NEK10: variants seen among roughly 807,000 people sequenced by gnomAD.
NEK10 encodes the protein serine/threonine-protein kinase Nek10.
NEK10 carries 122 observed loss-of-function variants against 159.8 expected under a neutral mutation model. The ratio of observed to expected loss-of-function variants is 0.76; its 90% CI spans 0.66 to 0.89. The LOEUF (loss-of-function observed/expected upper bound fraction) is 0.89. Among genes scored for constraint, NEK10 ranks in the 40% least tolerant of loss-of-function variants. The probability of loss-of-function intolerance (pLI) is 0.00; values close to 1 mark genes in which losing one functional copy is unlikely to be tolerated. For synonymous variants in NEK10, 466 were observed against 457.1 expected (o/e 1.02, Z -0.25); for missense variants, 1,342 against 1,323.1 (o/e 1.01, Z -0.22).
At chr3:27,208,655 G>A (rs564043909) in intron 23 of NEK10, among the ~76,000 whole-genome samples, 1 of 152,152 alleles carries the variant, frequency 6.6e-6, no homozygotes, top group Non-Finnish European at 1.5e-5. Context: ...ATTTGGTTCT[G>A]GTGACTAAAT....
intron 13 of NEK10, among the ~76,000 whole-genome samples, chr3:27,298,724 C>T (rs948198377): frequency 3.3e-5 from 5 of 152,052 alleles, no homozygotes; most frequent in African/African-American, 4.8e-5. Context: ...AAATCCAGGC[C>T]GAGGTGGTCT....
At chr3:27,327,153 C>G (rs535322458) in intron 5 of NEK10, among the ~76,000 whole-genome samples, 1 of 152,252 alleles carries the variant, frequency 6.6e-6, no homozygotes, top group East Asian at 1.9e-4. Flanking sequence ...ACTCCCATTC[C>G]AGTGCTCTTG....
intron 35 of NEK10, among the ~76,000 whole-genome samples, chr3:27,112,277 T>C (rs943967519): frequency 6.6e-6 from 1 of 152,198 alleles, no homozygotes; most frequent in Non-Finnish European, 1.5e-5. Context: ...TCTATTCTCT[T>C]CCTTAACTAA....
chr3:27,219,978 C>CA, intron 23 of NEK10, among the ~76,000 whole-genome samples: 1 of 152,024 alleles, frequency 6.6e-6, no homozygotes, highest in East Asian at 1.9e-4. Flanking sequence ...ACAATAGCTT[C>CA]AAAAAAACCC....
intron 3 of NEK10, among the ~76,000 whole-genome samples, chr3:27,350,848 T>C (rs2047919086): frequency 6.6e-6 from 1 of 152,156 alleles, no homozygotes; most frequent in South Asian, 2.1e-4. Context: ...TATTGGTTTT[T>C]GGTTTTGGTT....
At position 27,282,579 on chromosome 3, in the gene NEK10, ATATACATAACTGTGT is replaced by A. The variant is rs765462366; in HGVS notation, c.2014+2008_2014+2022del. Among the ~76,000 whole-genome samples, 966 of 117,060 alleles carry A rather than the reference ATATACATAACTGTGT, an allele frequency of 8.3e-3. 21 individuals are homozygous for A. Among genetic ancestry groups the A allele is most frequent in the African/African-American group, 0.024 (774 of 32,780 alleles). The allele number at this position is 117,060 out of a possible 152,430, so 76.8% of individuals were successfully genotyped here. ...ATATATACATAACTGTGTTATATAT[ATATACATAACTGTGT>A]TATATATATATACATAACTGTGTTA... On this transcript the variant is annotated intron_variant, in intron 22 of 35. Coordinates refer to ENST00000691995, the MANE Select transcript of NEK10 (RefSeq NM_001394966.1).
chr3:27,315,562 TAGG>T (rs1220068071), intron 6 of NEK10, among the ~76,000 whole-genome samples: 1 of 151,586 alleles, frequency 6.6e-6, no homozygotes, highest in Non-Finnish European at 1.5e-5. Flanking sequence ...CTATTTATGG[TAGG>T]AGGTTTTGTA....
At chr3:27,164,375 C>A (rs1575068660) in intron 29 of NEK10, among the ~76,000 whole-genome samples, 1 of 152,110 alleles carries the variant, frequency 6.6e-6, no homozygotes, top group Non-Finnish European at 1.5e-5. Context: ...CCTTACCCTT[C>A]TAGATGAAGC....
chr3:27,151,038 C>A (rs530798559), intron 30 of NEK10, among the ~76,000 whole-genome samples: 1 of 152,256 alleles, frequency 6.6e-6, no homozygotes, highest in African/African-American at 2.4e-5. Flanking sequence ...GCACACCTAG[C>A]TCTGCCCCCA....
At chr3:27,142,307 G>A (rs1204615812) in intron 30 of NEK10, among the ~76,000 whole-genome samples, 3 of 152,078 alleles carry the variant, frequency 2.0e-5, no homozygotes, top group African/African-American at 7.2e-5. Flanking sequence ...TTAAAGGAAT[G>A]ACTCTTTTCT....
At position 27,201,566 on chromosome 3, in the gene NEK10, T is replaced by C; in HGVS notation, c.2235A>G (p.Val745=). 6.2e-7 allele frequency: 1 copy of C among 1,613,850 alleles called. No individual in the cohort carries two copies. The change falls in exon 25 of 36, where the codon GTA becomes GTG. Residue 745 remains valine, a synonymous_variant. Transcript: ENST00000691995. ...AGATACCTTCTGGGACTGGTTCATATACCGCCTCCACTATCTGCAAAACAA... is the reference window on the plus strand; with the variant it reads ...AGATACCTTCTGGGACTGGTTCATACACCGCCTCCACTATCTGCAAAACAA... ...LSLATKIVEA[V]YEPVPEGIYS...
intron 1 of NEK10, among the ~76,000 whole-genome samples, chr3:27,362,289 G>A (rs1342454266): frequency 6.6e-6 from 1 of 152,158 alleles, no homozygotes; most frequent in East Asian, 1.9e-4. Flanking sequence ...GAAGGCAAGT[G>A]TTGGGAAAAG....
intron 15 of NEK10, 109 bp downstream of exon 15, chr3:27,295,504 T>C: frequency 7.3e-7 from 1 of 1,372,806 alleles, no homozygotes; most frequent in Non-Finnish European, 9.6e-7. Context: ...TCATAGTCAG[T>C]ACAGGGACCA....
At chr3:27,171,674 C>A in intron 29 of NEK10, 145 bp downstream of exon 29, 1 of 718,864 alleles carries the variant, frequency 1.4e-6, no homozygotes, top group Non-Finnish European at 2.3e-6. Context: ...ACTTGGTGAA[C>A]TATAAACAGT....
intron 23 of NEK10, among the ~76,000 whole-genome samples, chr3:27,238,855 T>C (rs1954254557): frequency 6.6e-6 from 1 of 151,274 alleles, no homozygotes; most frequent in Admixed American, 6.6e-5. Flanking sequence ...AGGGGCAGGC[T>C]GAAGCAAGCA....
intron 23 of NEK10, among the ~76,000 whole-genome samples, chr3:27,246,447 A>G (rs921625495): frequency 9.2e-5 from 14 of 152,248 alleles, no homozygotes; most frequent in Admixed American, 8.5e-4. Context: ...TAGTAGGTGT[A>G]TATGTTTATG....
intron 22 of NEK10, among the ~76,000 whole-genome samples, chr3:27,260,127 G>C (rs147124278): frequency 1.3e-5 from 2 of 151,988 alleles, no homozygotes; most frequent in Middle Eastern, 3.4e-3. Context: ...GGGCTGAGAC[G>C]ATGGGGTTTT....
intron 23 of NEK10, among the ~76,000 whole-genome samples, chr3:27,249,670 A>G (rs1243017005): frequency 6.6e-6 from 1 of 152,084 alleles, no homozygotes; most frequent in African/African-American, 2.4e-5. Flanking sequence ...TTTTTTGTCC[A>G]CTGGGCCACT....
intron 32 of NEK10, among the ~76,000 whole-genome samples, chr3:27,121,138 T>A (rs1344595084): frequency 1.3e-5 from 2 of 152,174 alleles, no homozygotes; most frequent in Admixed American, 6.5e-5. Flanking sequence ...ATAAGAATAT[T>A]CATGCCATCT....
Sources: gnomAD v4.1 joint callset for allele counts (sites outside exome capture counted in the v4.1 genomes callset) on GRCh38, gnomAD v4.1.1 for gene constraint, MANE v1.5 for transcripts, NCBI Gene and HGNC (gene_info 2026-07-23, HGNC 2026-07-21) for gene names.